NPEPL1: variants seen among roughly 807,000 people sequenced by gnomAD.
The protein encoded by NPEPL1 is probable aminopeptidase NPEPL1.
In NPEPL1, 45 loss-of-function variants were observed where a neutral mutation model predicts 52.4. The ratio of observed to expected loss-of-function variants is 0.86; its 90% CI spans 0.68 to 1.10. The LOEUF (loss-of-function observed/expected upper bound fraction) is 1.10, where lower values mean the gene tolerates loss of function less well. Ranked by LOEUF, NPEPL1 falls within the 50% of genes least tolerant of loss-of-function variation. The pLI is 0.00. For synonymous variants in NPEPL1, 360 were observed against 314.7 expected, an observed-to-expected ratio of 1.14 and a Z score of -1.52; for missense variants, 696 against 710.9, an observed-to-expected ratio of 0.98 and a Z score of 0.24.
intron 6 of NPEPL1, chr20:58,704,133 G>A (rs1188446881): frequency 3.0e-6 from 3 of 985,360 alleles, no homozygotes; most frequent in Middle Eastern, 5.2e-4. Flanking sequence ...TGACCTGAAG[G>A]CGCTCACAAT....
upstream of NPEPL1, among the ~76,000 whole-genome samples, chr20:58,692,399 G>A (rs2084366543): frequency 6.6e-6 from 1 of 152,162 alleles, no homozygotes; most frequent in African/African-American, 2.4e-5. This position sits in a 1 kb window ranked among gnomAD's most constrained non-coding sequence, Gnocchi z 5.7. Flanking sequence ...GCCAGGGTGC[G>A]GGGTCCCTGG....
upstream of NPEPL1, chr20:58,691,894 G>C (rs1223034822): frequency 9.7e-7 from 1 of 1,031,306 alleles, no homozygotes; most frequent in African/African-American, 1.6e-5. Context: ...GTCATTCCCT[G>C]ACCCTTGCAT....
chr20:58,707,075 TG>T, intron 6 of NPEPL1, 47 bp from the exon 7 acceptor site: 1 of 1,529,900 alleles, frequency 6.5e-7, no homozygotes, highest in Non-Finnish European at 8.9e-7. Flanking sequence ...CTGCCAGGCC[TG>T]GACCTCACAG....
chr20:58,694,530 G>A lies in NPEPL1; in HGVS notation c.445G>A (p.Val149Ile). 2.5e-6 allele frequency: 4 copies of A among 1,614,032 alleles called. No individual in the cohort carries two copies. Among genetic ancestry groups the A allele is most frequent in the South Asian group, 2.2e-5 (2 of 91,088 alleles). ...GASRRLEKKTVTVEFFLVGQD... is the reference protein window; with the variant it reads ...GASRRLEKKTITVEFFLVGQD... The stretch of plus-strand genomic sequence containing the variant: ...CTCTCGGCGCTTGGAGAAGAAGACG[G>A]TCACCGTGGAGTTTTTCCTGGTGGG... The change falls in exon 3 of 12, where the codon GTC becomes ATC. Residue 149 changes from valine to isoleucine, a missense_variant. Val to Ile is a conservative substitution (Grantham distance 29, BLOSUM62 3). Coordinates refer to ENST00000356091, the MANE Select transcript of NPEPL1 (RefSeq NM_024663.4).
intron 3 of NPEPL1, among the ~76,000 whole-genome samples, chr20:58,697,864 G>T (rs1175662187): frequency 6.6e-6 from 1 of 152,258 alleles, no homozygotes; most frequent in African/African-American, 2.4e-5. Flanking sequence ...CCCACGTGAT[G>T]TGTGCTTTGG....
intron 5 of NPEPL1, among the ~76,000 whole-genome samples, chr20:58,700,127 A>C (rs1354244152): frequency 6.6e-6 from 1 of 152,228 alleles, no homozygotes; most frequent in Non-Finnish European, 1.5e-5. Context: ...CCCTCCGAGC[A>C]AGGTCTCTGA....
intron 7 of NPEPL1, chr20:58,710,913 C>T (rs563440038): frequency 5.2e-5 from 8 of 152,522 alleles, no homozygotes; most frequent in South Asian, 4.1e-4. Context: ...CAGCACTTCT[C>T]AAGTGGGGTC....
At chr20:58,702,688 T>C (rs1012163633) in intron 6 of NPEPL1, among the ~76,000 whole-genome samples, 8 of 152,212 alleles carry the variant, frequency 5.3e-5, no homozygotes, top group African/African-American at 1.9e-4. Flanking sequence ...GTATGTTCAG[T>C]AGGCAGAGTT....
intron 6 of NPEPL1, chr20:58,705,631 T>A (rs2084721499): frequency 6.8e-6 from 3 of 439,370 alleles, no homozygotes; most frequent in African/African-American, 4.1e-5. Context: ...AATGGTTTCT[T>A]CTATAAAAAC....
chr20:58,704,417 T>C, intron 6 of NPEPL1: 1 of 972,274 alleles, frequency 1.0e-6, no homozygotes, highest in Non-Finnish European at 1.2e-6. Flanking sequence ...CAAAGAGGCT[T>C]TTTGTATAAC....
intron 6 of NPEPL1, among the ~76,000 whole-genome samples, chr20:58,706,430 G>A (rs187775758): frequency 8.5e-5 from 13 of 152,308 alleles, no homozygotes; most frequent in East Asian, 3.9e-4. Flanking sequence ...CCTAAGTCTC[G>A]TTAGGTGGTA....
At chr20:58,703,861 GA>G in intron 6 of NPEPL1, 1 of 985,092 alleles carries the variant, frequency 1.0e-6, no homozygotes, top group Non-Finnish European at 1.2e-6. Flanking sequence ...CATGGCTCCA[GA>G]TCACCTTCTG....
At chr20:58,690,397 G>C (rs1601082902), upstream of NPEPL1, among the ~76,000 whole-genome samples, 2 of 152,306 alleles carry the variant, frequency 1.3e-5, no homozygotes, top group South Asian at 2.1e-4. Context: ...TATATAGTAA[G>C]CCATGGATTA....
At chr20:58,707,730 G>A (rs2084765648) in intron 7 of NPEPL1, among the ~76,000 whole-genome samples, 1 of 151,188 alleles carries the variant, frequency 6.6e-6, no homozygotes, top group African/African-American at 2.4e-5. Flanking sequence ...GGGGTGGGGG[G>A]TGACCTTGAG....
upstream of NPEPL1, chr20:58,691,684 T>C (rs1418905161): frequency 2.5e-6 from 2 of 801,392 alleles, no homozygotes; most frequent in African/African-American, 4.5e-5. Context: ...TTTTTTCTTT[T>C]TTTCTTTTCT....
At chr20:58,695,512 G>A (rs963443372) in intron 3 of NPEPL1, among the ~76,000 whole-genome samples, 1 of 152,164 alleles carries the variant, frequency 6.6e-6, no homozygotes, top group African/African-American at 2.4e-5. Flanking sequence ...CAGCCTCTGC[G>A]CCTGCCACCT....
At chr20:58,693,120 C>T (rs2084388790) in intron 1 of NPEPL1, 70 bp downstream of exon 1, 3 of 951,024 alleles carry the variant, frequency 3.2e-6, no homozygotes, top group Non-Finnish European at 2.5e-6. Flanking sequence ...CGCGGAGGCC[C>T]CGCCTCGCCC....
At chr20:58,711,665 G>A (rs973199887) in intron 7 of NPEPL1, 2 of 152,890 alleles carry the variant, frequency 1.3e-5, no homozygotes, top group African/African-American at 4.8e-5. Context: ...CACTGCTGCA[G>A]CTCCTGCCAC....
chr20:58,713,265 G>A lies in NPEPL1; in HGVS notation c.1002-155G>A, dbSNP rs2084890693. On this transcript the variant is annotated intron_variant, in intron 8 of 11. Coordinates refer to ENST00000356091, the MANE Select transcript of NPEPL1 (RefSeq NM_024663.4). This position sits in a 1 kb window ranked among gnomAD's most constrained non-coding sequence, Gnocchi z 4.6. ...CAGGCACTGCATTGCTGTAGGGACTGGGGGCATCCCGGCCTTCCCATTCAG... is the reference window on the plus strand; with the variant it reads ...CAGGCACTGCATTGCTGTAGGGACTAGGGGCATCCCGGCCTTCCCATTCAG... The A allele has an allele frequency of 4.3e-6, 4 of 929,710 alleles. No individual in the cohort carries two copies. In the Admixed American group the frequency reaches 1.1e-4, roughly 26 times the overall value. The allele number at this position is 929,710 out of a possible 1,614,324, so 57.6% of individuals were successfully genotyped here.
Sources: allele counts gnomAD v4.1 joint callset (sites outside exome capture counted in the v4.1 genomes callset), GRCh38; gene constraint gnomAD v4.1.1; non-coding constraint Gnocchi (gnomAD v3.1); transcripts MANE v1.5; gene names NCBI Gene and HGNC (gene_info 2026-07-23, HGNC 2026-07-21).